SNRPD3: variants seen among roughly 807,000 people sequenced by gnomAD.
SNRPD3 encodes small nuclear ribonucleoprotein D3 polypeptide, also known as small nuclear ribonucleoprotein Sm D3.
For synonymous variants in SNRPD3, 66 were observed against 58.4 expected, an observed-to-expected ratio of 1.13 and a Z score of -0.59; for missense variants, 73 against 167.5, an observed-to-expected ratio of 0.44 and a Z score of 3.11.
chr22:24,563,414 G>T (rs1310419212), intron 2 of SNRPD3, among the ~76,000 whole-genome samples: 1 of 151,906 alleles, frequency 6.6e-6, no homozygotes, highest in African/African-American at 2.4e-5. Context: ...GGTTAAGCTG[G>T]GAAGGCAGGG....
intron 1 of SNRPD3, among the ~76,000 whole-genome samples, chr22:24,556,449 G>T (rs2045067648): frequency 6.6e-6 from 1 of 151,232 alleles, no homozygotes; most frequent in Non-Finnish European, 1.5e-5. Flanking sequence ...GGGCTCAAGG[G>T]ATCCACCGGC....
chr22:24,559,813 A>T (rs546929548), intron 2 of SNRPD3, among the ~76,000 whole-genome samples: 20 of 152,200 alleles, frequency 1.3e-4, no homozygotes, highest in African/African-American at 4.8e-4. Context: ...AGTTTCACAG[A>T]CTGGGCAGCT....
In SNRPD3 at chr22:24,560,428, C is replaced by CTTTTTTTTTTTTTTTTTT. The variant is rs60835175; in HGVS notation, c.126+2649_126+2666dup. Reference sequence around the variant, plus strand: ...TGAGCCACCATGCCCAGCTTGCTTGCTTTTTTTTTTTTTTTTTTTTTTTTT... The same window carrying CTTTTTTTTTTTTTTTTTT: ...TGAGCCACCATGCCCAGCTTGCTTGCTTTTTTTTTTTTTTTTTTTTTTTTTTTTTTTTTTTTTTTTTTT... On this transcript the variant is annotated intron_variant, in intron 2 of 3. Coordinates refer to ENST00000215829, the MANE Select transcript of SNRPD3 (RefSeq NM_004175.5). 4.1e-5 allele frequency among the ~76,000 whole-genome samples: 2 copies of CTTTTTTTTTTTTTTTTTT among 49,074 alleles called. 1 individual carries two copies. The highest frequency in any genetic ancestry group is 1.6e-4 in the African/African-American group (2 of 12,572). The allele number at this position is 49,074 out of a possible 152,430, so 32.2% of individuals were successfully genotyped here.
Position 24,574,156 on chromosome 22 carries a change from TTAA to T in SNRPD3, c.*2182_*2184del, listed in dbSNP as rs1270253678. On this transcript the variant is annotated 3_prime_UTR_variant, in exon 4 of 4. Transcript: ENST00000215829. ...TACTTTGAATAATAACACATTACAC[TTAA>T]TAGTAGTGAACTGCATCCTCGATAT... 1.3e-5 allele frequency among the ~76,000 whole-genome samples: 2 copies of T among 152,222 alleles called. No homozygotes were observed. The highest frequency in any genetic ancestry group is 6.5e-5 in the Admixed American group (1 of 15,288).
chr22:24,564,322 T>C (rs577631219), intron 2 of SNRPD3, among the ~76,000 whole-genome samples: 1 of 152,334 alleles, frequency 6.6e-6, no homozygotes, highest in South Asian at 2.1e-4. Flanking sequence ...ACAAAGATTC[T>C]CTCTCTCCCC....
In SNRPD3 at chr22:24,573,028, C is replaced by A. The variant is rs1433569226; in HGVS notation, c.*1051C>A. Among the ~76,000 whole-genome samples, 1 of 151,992 alleles carries A rather than the reference C, an allele frequency of 6.6e-6. No individual in the cohort carries two copies. The highest frequency in any genetic ancestry group is 1.5e-5 in the Non-Finnish European group (1 of 68,016). On this transcript the variant is annotated 3_prime_UTR_variant, in exon 4 of 4. Transcript: ENST00000215829. ...AACCAGCCCGCGAGACATAGTGAGA[C>A]CCTGTCTCTACAAAAAATTCTAAAA...
intron 3 of SNRPD3, among the ~76,000 whole-genome samples, chr22:24,569,005 G>A (rs2045224126): frequency 6.6e-6 from 1 of 152,170 alleles, no homozygotes; most frequent in African/African-American, 2.4e-5. Context: ...CACCGCACCT[G>A]GAGAGGCCCA....
intron 2 of SNRPD3, among the ~76,000 whole-genome samples, chr22:24,561,401 A>G (rs966657403): frequency 6.6e-6 from 1 of 152,126 alleles, no homozygotes; most frequent in Non-Finnish European, 1.5e-5. Flanking sequence ...TCTAAATATG[A>G]TCACATTCTG....
At chr22:24,571,648 A>C (rs1318949087) in intron 3 of SNRPD3, among the ~76,000 whole-genome samples, 1 of 151,950 alleles carries the variant, frequency 6.6e-6, no homozygotes, top group Non-Finnish European at 1.5e-5. Flanking sequence ...GGAGGCTGAG[A>C]CATGAGAATC....
chr22:24,571,537 AAGACC>A (rs2045249421), intron 3 of SNRPD3, among the ~76,000 whole-genome samples: 1 of 152,068 alleles, frequency 6.6e-6, no homozygotes, highest in Non-Finnish European at 1.5e-5. Context: ...TCAGGAGTTT[AAGACC>A]AGCCTGGCCA....
chr22:24,568,650 C>T (rs753298482), intron 3 of SNRPD3, among the ~76,000 whole-genome samples: 6 of 151,800 alleles, frequency 4.0e-5, no homozygotes, highest in East Asian at 1.9e-4. Flanking sequence ...CTCCGCCTCC[C>T]GGGTTCAAGC....
rs537442662 is a variant in SNRPD3, at chr22:24,572,357, T to C, written c.*380T>C. The C allele has an allele frequency of 1.4e-5, 8 of 559,502 alleles. No individual in the cohort carries two copies. The East Asian group carries it at 2.4e-4, about 17-fold the overall frequency. 34.7% of individuals were successfully genotyped at this position (559,502 alleles called of 1,614,324 possible). Reference sequence around the variant, plus strand: ...CCGAGAACACACAGATTGTGTCTCATTCATCTTCAGACACAGGCACATAGT... The same window carrying C: ...CCGAGAACACACAGATTGTGTCTCACTCATCTTCAGACACAGGCACATAGT... On this transcript the variant is annotated 3_prime_UTR_variant, in exon 4 of 4. Transcript: ENST00000215829.
At chr22:24,565,743 C>T (rs1036804337) in intron 2 of SNRPD3, among the ~76,000 whole-genome samples, 2 of 152,132 alleles carry the variant, frequency 1.3e-5, no homozygotes, top group Non-Finnish European at 2.9e-5. Flanking sequence ...TCACTGCAAC[C>T]TCTACCTCCC....
At chr22:24,569,095 G>A (rs937309522) in intron 3 of SNRPD3, among the ~76,000 whole-genome samples, 3 of 152,186 alleles carry the variant, frequency 2.0e-5, no homozygotes, top group Non-Finnish European at 4.4e-5. Context: ...GCCCGGAGCA[G>A]ATGAGCTGAC....
chr22:24,569,228 C>T (rs574159530), intron 3 of SNRPD3, among the ~76,000 whole-genome samples: 23 of 152,280 alleles, frequency 1.5e-4, no homozygotes, highest in African/African-American at 5.5e-4. Context: ...TAGTACATTC[C>T]AAAAGTGGGA....
At position 24,556,040 on chromosome 22, in the gene SNRPD3, G is replaced by C. The variant is rs760426919; in HGVS notation, c.-50G>C. The C allele has an allele frequency of 1.6e-6, 1 of 621,946 alleles. No individual in the cohort carries two copies. Among genetic ancestry groups the C allele is most frequent in the Non-Finnish European group, 2.8e-6 (1 of 356,850 alleles). The allele number at this position is 621,946 out of a possible 1,614,324, so 38.5% of individuals were successfully genotyped here. A position where few individuals can be genotyped will look rare whatever the true frequency, so the allele number is the denominator to read the frequency against. On this transcript the variant is annotated 5_prime_UTR_variant, in exon 1 of 4. Coordinates refer to ENST00000215829, the MANE Select transcript of SNRPD3 (RefSeq NM_004175.5). ...CCTTCGCCGTAGCATCTTTCGCAGC[G>C]GACCGAAGAGAAGAAAAGTAGGCCA...
chr22:24,571,928 G>A lies in SNRPD3; in HGVS notation c.332G>A (p.Gly111Glu). Reference protein sequence around the residue: ...AILKAQVAARGRGRGMGRGNI... With the variant: ...AILKAQVAARERGRGMGRGNI... ...TCTTCCCTTTCAGTGGCCGCAAGAGGAAGAGGACGTGGAATGGGACGTGGA... is the reference window on the plus strand; with the variant it reads ...TCTTCCCTTTCAGTGGCCGCAAGAGAAAGAGGACGTGGAATGGGACGTGGA... Residue 111 changes from glycine (G) to glutamate (E), a missense_variant, in exon 4 of 4, where the codon GGA (glycine) becomes GAA (glutamate). By Grantham distance (98) the Gly-to-Glu change is moderately conservative. Coordinates refer to ENST00000215829, the MANE Select transcript of SNRPD3 (RefSeq NM_004175.5). 1 of 1,614,146 alleles carries A rather than the reference G, an allele frequency of 6.2e-7. No homozygotes were observed. Among genetic ancestry groups the A allele is most frequent in the Non-Finnish European group, 8.5e-7 (1 of 1,180,016 alleles).
upstream of SNRPD3, chr22:24,555,734 G>A: frequency 1.3e-6 from 2 of 1,550,658 alleles, no homozygotes; most frequent in Non-Finnish European, 8.7e-7. Context: ...CGTCCAGCCT[G>A]TCCTTGGTGT....
At chr22:24,563,226 G>C (rs1179960159) in intron 2 of SNRPD3, among the ~76,000 whole-genome samples, 2 of 137,574 alleles carry the variant, frequency 1.5e-5, no homozygotes, top group Admixed American at 1.5e-4. Context: ...GTGTGTGTGT[G>C]TGTGTGTGTG....
Sources: allele counts gnomAD v4.1 joint callset (sites outside exome capture counted in the v4.1 genomes callset), GRCh38; gene constraint gnomAD v4.1.1; transcripts MANE v1.5; gene names NCBI Gene and HGNC (gene_info 2026-07-23, HGNC 2026-07-21).